TNRC18: variants seen among roughly 807,000 people sequenced by gnomAD.
The protein encoded by TNRC18 is trinucleotide repeat containing 18, also known as trinucleotide repeat-containing gene 18 protein.
TNRC18 carries 69 observed loss-of-function variants against 226.7 expected under a neutral mutation model. The observed-to-expected ratio is 0.30, with a 90% CI of 0.25 to 0.37. The LOEUF is 0.37. Ranked by LOEUF, TNRC18 falls within the 10% of genes least tolerant of loss-of-function variation. The pLI, the probability that TNRC18 is intolerant of heterozygous loss-of-function variation, is 1.00. For synonymous variants in TNRC18, 2,449 were observed against 1,927.6 expected (o/e 1.27, Z -7.09); for missense variants, 4,754 against 4,256.6 (o/e 1.12, Z -3.25).
chr7:5,315,199 G>A, intron 25 of TNRC18, 51 bp from the exon 26 acceptor site: 4 of 1,567,502 alleles, frequency 2.6e-6, no homozygotes, highest in South Asian at 2.4e-5. Flanking sequence ...CCCCAGCTTG[G>A]AGCTTCCAAG....
At chr7:5,315,258 C>A in intron 25 of TNRC18, 110 bp from the exon 26 acceptor site, 3 of 1,234,088 alleles carry the variant, frequency 2.4e-6, no homozygotes, top group Non-Finnish European at 3.3e-6. Flanking sequence ...GCAACCGACA[C>A]CAGGTGGCTG....
At chr7:5,335,994 G>A (rs888375567) in intron 18 of TNRC18, among the ~76,000 whole-genome samples, 10 of 151,886 alleles carry the variant, frequency 6.6e-5, no homozygotes, top group African/African-American at 2.4e-4. Flanking sequence ...ATCACTTGAG[G>A]TGAGGAGTTT....
At position 5,351,937 on chromosome 7, in the gene TNRC18, G is replaced by A. The variant is rs1255505332; in HGVS notation, c.5352C>T (p.Ala1784=). Residue 1784 remains alanine (A), a synonymous_variant, in exon 17 of 30, where the codon GCC becomes GCT. Transcript: ENST00000430969. ...CCGGCTTGGGTTTCAGAGTCCGGGG[G>A]GCCGCCAGGCCCCTCTTGGTCAGCT... ...GPKLTKRGLA[A]PRTLKPKPAT... 7 of 1,613,646 alleles carry A rather than the reference G, an allele frequency of 4.3e-6. No individual in the cohort carries two copies. The Admixed American group carries it at 6.7e-5, about 15-fold the overall frequency.
intron 16 of TNRC18, among the ~76,000 whole-genome samples, chr7:5,353,638 G>C (rs1325250975): frequency 6.6e-6 from 1 of 150,964 alleles, no homozygotes; most frequent in South Asian, 2.1e-4. Context: ...AGAGGAGACC[G>C]TTCTCGCTTC....
chr7:5,338,880 G>A (rs1183387840), intron 18 of TNRC18, among the ~76,000 whole-genome samples: 10 of 138,036 alleles, frequency 7.2e-5, no homozygotes, highest in Non-Finnish European at 1.5e-4. Flanking sequence ...AGATCATGCC[G>A]TTGCACTCCA....
intron 16 of TNRC18, among the ~76,000 whole-genome samples, 164 bp downstream of exon 16, chr7:5,356,752 C>A (rs1792441643): frequency 6.6e-6 from 1 of 151,746 alleles, no homozygotes; most frequent in Non-Finnish European, 1.5e-5. Context: ...CCCCCACTTC[C>A]GGCTTGGAGG....
chr7:5,330,533 C>G (rs191293620), intron 19 of TNRC18, among the ~76,000 whole-genome samples: 1 of 152,140 alleles, frequency 6.6e-6, no homozygotes, highest in Admixed American at 6.6e-5. Flanking sequence ...GCCACCGCAG[C>G]CAGTCTGGTG....
chr7:5,401,564 T>A (rs10253876), intron 2 of TNRC18, among the ~76,000 whole-genome samples: 20,648 of 152,198 alleles, frequency 0.14, 2,755 homozygotes, highest in African/African-American at 0.34. Flanking sequence ...TTATTGTCTC[T>A]GCCCACTGAA....
intron 11 of TNRC18, among the ~76,000 whole-genome samples, 179 bp downstream of exon 11, chr7:5,370,196 G>A (rs1358233976): frequency 6.6e-6 from 1 of 152,002 alleles, no homozygotes; most frequent in Admixed American, 6.6e-5. Context: ...GGTGGTGGAC[G>A]CCTGTAGCCC....
chr7:5,395,368 G>C (rs975689650), intron 2 of TNRC18, among the ~76,000 whole-genome samples: 1 of 152,214 alleles, frequency 6.6e-6, no homozygotes, highest in African/African-American at 2.4e-5. Flanking sequence ...TAGGGGCCAC[G>C]GGGCAGACTG....
At chr7:5,397,353 C>A (rs942148256) in intron 2 of TNRC18, among the ~76,000 whole-genome samples, 8 of 152,242 alleles carry the variant, frequency 5.3e-5, no homozygotes. Context: ...GCCTAATGGC[C>A]CAGGCCGGCC....
At chr7:5,370,323 C>G in intron 11 of TNRC18, 52 bp downstream of exon 11, 2 of 1,498,378 alleles carry the variant, frequency 1.3e-6, no homozygotes, top group Non-Finnish European at 1.8e-6. Context: ...ACCCCATCAC[C>G]ACAAAACTAA....
intron 19 of TNRC18, among the ~76,000 whole-genome samples, chr7:5,326,597 C>T (rs1166157602): frequency 2.0e-5 from 3 of 151,646 alleles, no homozygotes; most frequent in East Asian, 1.9e-4. Flanking sequence ...AGACATGTAC[C>T]GCCATGCCCA....
intron 5 of TNRC18, among the ~76,000 whole-genome samples, chr7:5,382,631 C>G (rs1168692755): frequency 2.0e-5 from 3 of 152,196 alleles, no homozygotes; most frequent in Admixed American, 2.0e-4. Flanking sequence ...CCCCCAGCCG[C>G]CCCCTGTGAA....
At chr7:5,418,143 G>T (rs1357885338) in intron 2 of TNRC18, among the ~76,000 whole-genome samples, 3 of 152,152 alleles carry the variant, frequency 2.0e-5, no homozygotes, top group African/African-American at 7.2e-5. Context: ...CTCTTTAATT[G>T]CAGCCTGTGA....
At chr7:5,327,324 G>A (rs879603095) in intron 19 of TNRC18, among the ~76,000 whole-genome samples, 1 of 152,134 alleles carries the variant, frequency 6.6e-6, no homozygotes, top group South Asian at 2.1e-4. Context: ...AGAATATACA[G>A]TTTAATCCCC....
At chr7:5,341,211 A>C (rs1448033055) in intron 18 of TNRC18, among the ~76,000 whole-genome samples, 5 of 150,500 alleles carry the variant, frequency 3.3e-5, no homozygotes, top group Non-Finnish European at 5.9e-5. Flanking sequence ...GGAGATGGAG[A>C]CCATCCTGGC....
At chr7:5,397,506 G>T (rs1338288330) in intron 2 of TNRC18, among the ~76,000 whole-genome samples, 1 of 152,184 alleles carries the variant, frequency 6.6e-6, no homozygotes, top group African/African-American at 2.4e-5. Flanking sequence ...AGCATCCCCA[G>T]CAAGGCAGTG....
chr7:5,322,008 G>C (rs929682992), intron 21 of TNRC18, among the ~76,000 whole-genome samples: 22 of 151,700 alleles, frequency 1.5e-4, no homozygotes, highest in African/African-American at 4.6e-4. Context: ...AGCCAGGCGC[G>C]ATGGCTCACA....
Sources: allele counts gnomAD v4.1 joint callset (sites outside exome capture counted in the v4.1 genomes callset), GRCh38; gene constraint gnomAD v4.1.1; transcripts MANE v1.5; gene names NCBI Gene and HGNC (gene_info 2026-07-23, HGNC 2026-07-21).